Variants in NCALD observed in about 807,000 individuals in gnomAD.
NCALD encodes neurocalcin-delta.
A neutral mutation model predicts 18.6 loss-of-function variants in NCALD; 10 were observed. The observed-to-expected ratio is 0.54, with a 90% CI of 0.33 to 0.91. The LOEUF (loss-of-function observed/expected upper bound fraction) is 0.91, where lower values mean the gene tolerates loss of function less well. NCALD is among the 40% of genes least tolerant of loss of function. The pLI is 0.03. For missense variants in NCALD, 184 were observed against 247.6 expected, an observed-to-expected ratio of 0.74 and a Z score of 1.72; for synonymous variants, 88 against 87.4, an observed-to-expected ratio of 1.01 and a Z score of -0.04.
At chr8:101,818,372 A>G (rs1813586237) in intron 4 of NCALD, among the ~76,000 whole-genome samples, 1 of 152,190 alleles carries the variant, frequency 6.6e-6, no homozygotes, top group Non-Finnish European at 1.5e-5. Flanking sequence ...CCCTGGAGGT[A>G]AGTACCATGA....
Position 101,719,336 on chromosome 8 carries a change from C to T in NCALD, c.294G>A (p.Glu98=), listed in dbSNP as rs760952031. 59 of 1,614,082 alleles carry T rather than the reference C, an allele frequency of 3.7e-5. No homozygotes were observed. The highest frequency in any genetic ancestry group is 4.7e-5 in the Non-Finnish European group (56 of 1,180,048). Residue 98 remains glutamate (E), a synonymous_variant, in exon 2 of 4, where the codon GAG becomes GAA. Coordinates refer to ENST00000220931, the MANE Select transcript of NCALD (RefSeq NM_032041.3). ...ALSVTSRGKL[E]QKLKWAFSMY... The stretch of plus-strand genomic sequence containing the variant: ...TGCTGAAGGCCCATTTCAGCTTCTG[C>T]TCCAGCTTCCCCCTCGAAGTTACAC...
At chr8:101,870,114 C>T (rs976430507) in intron 4 of NCALD, among the ~76,000 whole-genome samples, 7 of 152,184 alleles carry the variant, frequency 4.6e-5, no homozygotes, top group African/African-American at 7.2e-5. Flanking sequence ...ACTCACCAGA[C>T]GAAGAGGGGA....
intron 3 of NCALD, among the ~76,000 whole-genome samples, chr8:101,895,737 C>G (rs1393316180): frequency 2.0e-5 from 3 of 148,330 alleles, no homozygotes; most frequent in Non-Finnish European, 2.9e-5. Context: ...AAGAGAGAGC[C>G]AAATCATGAG....
intron 4 of NCALD, among the ~76,000 whole-genome samples, chr8:101,878,085 CT>C (rs1816305356): frequency 6.6e-6 from 1 of 152,154 alleles, no homozygotes; most frequent in South Asian, 2.1e-4. Context: ...CCACGGAAAA[CT>C]AAGTGGCCAA....
intron 4 of NCALD, among the ~76,000 whole-genome samples, chr8:101,817,454 C>T (rs1337719827): frequency 1.3e-5 from 2 of 152,090 alleles, no homozygotes; most frequent in Non-Finnish European, 2.9e-5. Context: ...GCACAGTTTC[C>T]AAGCCTAATA....
intron 1 of NCALD, among the ~76,000 whole-genome samples, chr8:102,039,990 GT>G (rs1822992067): frequency 6.6e-6 from 1 of 152,086 alleles, no homozygotes; most frequent in Non-Finnish European, 1.5e-5. Context: ...CATCAGAATT[GT>G]AAGCCAAATA....
chr8:102,095,626 C>A (rs1187058097), intron 1 of NCALD, among the ~76,000 whole-genome samples: 1 of 152,092 alleles, frequency 6.6e-6, no homozygotes, highest in East Asian at 1.9e-4. Flanking sequence ...AATTACTCAA[C>A]GTGTACACCC....
chr8:102,087,328 G>T (rs1457363185), intron 1 of NCALD, among the ~76,000 whole-genome samples: 1 of 151,778 alleles, frequency 6.6e-6, no homozygotes, highest in Non-Finnish European at 1.5e-5. Context: ...CATCTTTCTG[G>T]CAAACCATGA....
intron 1 of NCALD, among the ~76,000 whole-genome samples, chr8:101,775,679 C>T (rs547740877): frequency 2.0e-5 from 3 of 152,270 alleles, no homozygotes; most frequent in African/African-American, 7.2e-5. Context: ...GACCCAGCAG[C>T]TCAGATCCAG....
At chr8:101,713,020 T>C (rs1436644297) in intron 2 of NCALD, among the ~76,000 whole-genome samples, 1 of 152,116 alleles carries the variant, frequency 6.6e-6, no homozygotes, top group Non-Finnish European at 1.5e-5. Flanking sequence ...ATTGAACACA[T>C]AATTGAAAGT....
At chr8:102,092,091 A>T (rs776868927) in intron 1 of NCALD, among the ~76,000 whole-genome samples, 2 of 152,234 alleles carry the variant, frequency 1.3e-5, no homozygotes, top group Non-Finnish European at 2.9e-5. Flanking sequence ...GATATAGGTC[A>T]TAAAGACATT....
At chr8:101,974,659 C>T (rs967616658) in intron 2 of NCALD, among the ~76,000 whole-genome samples, 1 of 152,192 alleles carries the variant, frequency 6.6e-6, no homozygotes, top group African/African-American at 2.4e-5. Context: ...TAAGCTGATA[C>T]AAGCAAACAT....
chr8:101,912,522 GAGGAGTATTT>G (rs1192339532), intron 3 of NCALD, among the ~76,000 whole-genome samples: 3 of 152,214 alleles, frequency 2.0e-5, no homozygotes, highest in African/African-American at 4.8e-5. Flanking sequence ...TGATAACTTT[GAGGAGTATTT>G]AGGAGTATTT....
intron 1 of NCALD, among the ~76,000 whole-genome samples, chr8:102,077,097 A>G (rs1433105698): frequency 1.3e-5 from 2 of 152,012 alleles, no homozygotes; most frequent in Non-Finnish European, 2.9e-5. Context: ...AAATTAAGTA[A>G]TGTTCTCTAT....
chr8:101,803,643 T>C (rs1160856036), intron 4 of NCALD, among the ~76,000 whole-genome samples: 1 of 152,196 alleles, frequency 6.6e-6, no homozygotes, highest in Non-Finnish European at 1.5e-5. Context: ...TCATGATTCA[T>C]GGGAGGAGGC....
At chr8:101,763,256 C>A (rs73275521) in intron 1 of NCALD, among the ~76,000 whole-genome samples, 3,978 of 152,214 alleles carry the variant, frequency 0.026, 178 homozygotes, top group African/African-American at 0.089. Flanking sequence ...TGGAACAGGG[C>A]TCCTTGAGCA....
At chr8:101,702,122 G>GT (rs2130153777) in intron 2 of NCALD, among the ~76,000 whole-genome samples, 1 of 152,208 alleles carries the variant, frequency 6.6e-6, no homozygotes, top group Non-Finnish European at 1.5e-5. Flanking sequence ...AAGATTTCAC[G>GT]TAAGATTTTA....
chr8:102,076,147 A>G (rs2132313297), intron 1 of NCALD, among the ~76,000 whole-genome samples: 1 of 152,276 alleles, frequency 6.6e-6, no homozygotes, highest in African/African-American at 2.4e-5. Context: ...AAAGACCAAA[A>G]AGGAATAAAA....
chr8:101,816,496 T>TC (rs1475391885), intron 4 of NCALD, among the ~76,000 whole-genome samples: 2 of 152,152 alleles, frequency 1.3e-5, no homozygotes, highest in African/African-American at 4.8e-5. Context: ...AGTTACTTTT[T>TC]CACAATTGCC....
Sources: allele counts gnomAD v4.1 joint callset (sites outside exome capture counted in the v4.1 genomes callset), GRCh38; gene constraint gnomAD v4.1.1; transcripts MANE v1.5; gene names NCBI Gene and HGNC (gene_info 2026-07-23, HGNC 2026-07-21).